Variants in PDSS2 observed in about 807,000 individuals in gnomAD.
PDSS2 encodes decaprenyl diphosphate synthase subunit 2.
In PDSS2, 31 loss-of-function variants were observed where a neutral mutation model predicts 44.5. The ratio of observed to expected loss-of-function variants is 0.70; its 90% CI spans 0.52 to 0.94. The LOEUF is 0.94. PDSS2 is among the 40% of genes least tolerant of loss of function. The pLI, the probability that PDSS2 is intolerant of heterozygous loss-of-function variation, is 0.00. For synonymous variants in PDSS2, 157 were observed against 180.3 expected (o/e 0.87, Z 1.03); for missense variants, 452 against 482.2 (o/e 0.94, Z 0.59).
At chr6:107,377,448 C>G (rs1779319910) in intron 1 of PDSS2, among the ~76,000 whole-genome samples, 3 of 152,142 alleles carry the variant, frequency 2.0e-5, no homozygotes, top group Admixed American at 1.3e-4. Flanking sequence ...GGACTGTAAA[C>G]TAGTTCAACC....
chr6:107,273,921 G>T, intron 3 of PDSS2, 108 bp downstream of exon 3: 1 of 803,754 alleles, frequency 1.2e-6, no homozygotes, highest in Non-Finnish European at 2.2e-6. Flanking sequence ...TACTGAGCAT[G>T]TACATGAGGG....
chr6:107,417,734 T>C (rs748258281), intron 1 of PDSS2, among the ~76,000 whole-genome samples: 4 of 151,662 alleles, frequency 2.6e-5, no homozygotes, highest in Non-Finnish European at 4.4e-5. Context: ...CACTCCAGCC[T>C]GGGCAAAAGA....
At chr6:107,276,111 T>A (rs1391017697) in intron 2 of PDSS2, among the ~76,000 whole-genome samples, 3 of 1,146 alleles carry the variant, frequency 2.6e-3, no homozygotes, top group Non-Finnish European at 0.013. Flanking sequence ...TGAGACCCTA[T>A]CTCAAAAAAA....
At chr6:107,355,924 C>T (rs1195509171) in intron 1 of PDSS2, among the ~76,000 whole-genome samples, 1 of 152,216 alleles carries the variant, frequency 6.6e-6, no homozygotes, top group African/African-American at 2.4e-5. Context: ...GAGACTGTGA[C>T]TTGTTTCTCT....
intron 4 of PDSS2, among the ~76,000 whole-genome samples, chr6:107,229,418 C>T (rs1448002004): frequency 6.6e-6 from 1 of 152,068 alleles, no homozygotes; most frequent in African/African-American, 2.4e-5. Flanking sequence ...CTCCTGACCT[C>T]GTGATTCACC....
rs78831165 is a variant in PDSS2, at chr6:107,338,398, G to A, written c.297-4066C>T. On this transcript the variant is annotated intron_variant, in intron 1 of 7. Coordinates refer to ENST00000369037, the MANE Select transcript of PDSS2 (RefSeq NM_020381.4). ...AATGGTAAGGTTGGTGTTCTCAAAC[G>A]TATTCAGCCAAGAGTGTACTGAATG... 7.8e-4 allele frequency among the ~76,000 whole-genome samples: 119 copies of A among 152,292 alleles called. 2 individuals are homozygous for A. The East Asian group carries it at 0.015, about 19-fold the overall frequency.
intron 1 of PDSS2, among the ~76,000 whole-genome samples, chr6:107,413,790 T>A (rs569136964): frequency 2.0e-5 from 3 of 152,330 alleles, no homozygotes; most frequent in South Asian, 2.1e-4. Flanking sequence ...GTACTTTTTT[T>A]ATGCATTCAC....
chr6:107,245,385 G>A (rs575985334), intron 4 of PDSS2, among the ~76,000 whole-genome samples, 163 bp downstream of exon 4: 1 of 121,984 alleles, frequency 8.2e-6, no homozygotes, highest in South Asian at 2.7e-4. Flanking sequence ...TGTAGTAAGC[G>A]TATGGCCATG....
At chr6:107,400,946 T>C (rs780853021) in intron 1 of PDSS2, among the ~76,000 whole-genome samples, 1 of 152,216 alleles carries the variant, frequency 6.6e-6, no homozygotes, top group Non-Finnish European at 1.5e-5. Flanking sequence ...CAGCAGATAC[T>C]ATAATGCGCT....
At chr6:107,196,368 G>A (rs1772563236) in intron 6 of PDSS2, among the ~76,000 whole-genome samples, 1 of 152,136 alleles carries the variant, frequency 6.6e-6, no homozygotes. Context: ...TCCACAGATG[G>A]CCTGTGACCA....
chr6:107,323,070 C>G (rs1343443347), intron 2 of PDSS2, among the ~76,000 whole-genome samples: 3 of 152,208 alleles, frequency 2.0e-5, no homozygotes, highest in Non-Finnish European at 4.4e-5. Flanking sequence ...GATGTCAGCT[C>G]TCACCTATCA....
chr6:107,334,213 C>T lies in PDSS2; in HGVS notation c.416G>A (p.Ser139Asn). ...TTCTTCTTACCATGAGTAGATCCCACTGACCATGTCATAGTTCTGACATGA... is the reference window on the plus strand; with the variant it reads ...TTCTTCTTACCATGAGTAGATCCCATTGACCATGTCATAGTTCTGACATGA... ...NTSCQNYDMV[S>N]GIYSCQRSLA... Residue 139 changes from serine (S) to asparagine (N), a missense_variant, in exon 2 of 8, where the codon AGT becomes AAT. Coordinates refer to ENST00000369037, the MANE Select transcript of PDSS2 (RefSeq NM_020381.4). The T allele has an allele frequency of 6.2e-7, 1 of 1,613,894 alleles. No individual in the cohort carries two copies. The highest frequency in any genetic ancestry group is 1.3e-5 in the African/African-American group (1 of 75,028).
At position 107,176,991 on chromosome 6, in the gene PDSS2, A is replaced by C. The variant is rs367979566; in HGVS notation, c.1041+16831T>G. 5.8e-4 allele frequency among the ~76,000 whole-genome samples: 88 copies of C among 152,204 alleles called. No homozygotes were observed. In the East Asian group the frequency reaches 0.01, roughly 18 times the overall value. On this transcript the variant is annotated intron_variant, in intron 7 of 7. Coordinates refer to ENST00000369037, the MANE Select transcript of PDSS2 (RefSeq NM_020381.4). ...GAGTGAGACCCTGTCTCAAAAAAAA[A>C]CCAAAAAAACCTGCATTTCAGGGTA...
At chr6:107,212,853 A>T (rs994131356) in intron 4 of PDSS2, among the ~76,000 whole-genome samples, 8 of 132,280 alleles carry the variant, frequency 6.0e-5, no homozygotes, top group African/African-American at 2.3e-4. Context: ...AAAAAAAAAA[A>T]AATAGCTAGG....
intron 7 of PDSS2, chr6:107,192,234 C>T (rs545286981): frequency 4.4e-4 from 146 of 328,104 alleles, no homozygotes; most frequent in African/African-American, 2.9e-3. Context: ...ATATGGAAGC[C>T]CTTGGTTTAC....
intron 1 of PDSS2, among the ~76,000 whole-genome samples, chr6:107,369,624 A>G (rs752370836): frequency 6.6e-6 from 1 of 152,150 alleles, no homozygotes; most frequent in Non-Finnish European, 1.5e-5. Context: ...GGATTGTCCT[A>G]TCCACAAAAG....
At chr6:107,295,845 G>GA (rs147534844) in intron 2 of PDSS2, among the ~76,000 whole-genome samples, 3,334 of 151,554 alleles carry the variant, frequency 0.022, 122 homozygotes, top group African/African-American at 0.077. Context: ...TTTTTTTAGA[G>GA]AAAAAAAATG....
chr6:107,201,826 C>G lies in PDSS2; in HGVS notation c.1009-7972G>C, dbSNP rs117740872. ...TTTTTAAATCTTCAAGGAAAACTACCTTCCCCCGCAAACTTTTTAGTTGAA... is the reference window on the plus strand; with the variant it reads ...TTTTTAAATCTTCAAGGAAAACTACGTTCCCCCGCAAACTTTTTAGTTGAA... On this transcript the variant is annotated intron_variant, in intron 6 of 7. Coordinates refer to ENST00000369037, the MANE Select transcript of PDSS2 (RefSeq NM_020381.4). Among the ~76,000 whole-genome samples the G allele has an allele frequency of 1.9e-3, 290 of 152,272 alleles. 7 individuals are homozygous for G. The East Asian group carries it at 0.045, about 24-fold the overall frequency.
intron 1 of PDSS2, among the ~76,000 whole-genome samples, chr6:107,367,893 C>G (rs1043541749): frequency 6.6e-6 from 1 of 150,616 alleles, no homozygotes; most frequent in Non-Finnish European, 1.5e-5. Context: ...GTGGAAAATA[C>G]TAAGGCATCT....
Sources: allele counts gnomAD v4.1 joint callset (sites outside exome capture counted in the v4.1 genomes callset), GRCh38; gene constraint gnomAD v4.1.1; transcripts MANE v1.5; gene names NCBI Gene and HGNC (gene_info 2026-07-23, HGNC 2026-07-21).